The following ALG14 variants were observed in gnomAD, a reference collection of about 807,000 sequenced individuals.
The protein encoded by ALG14 is ALG14 UDP-N-acetylglucosaminyltransferase subunit.
In ALG14, 17 loss-of-function variants were observed where a neutral mutation model predicts 22.8. The observed-to-expected ratio is 0.75, with a 90% CI of 0.51 to 1.12. The LOEUF (loss-of-function observed/expected upper bound fraction) is 1.12. ALG14 is among the 50% of genes most tolerant of loss of function. The probability of loss-of-function intolerance (pLI) is 0.00; values close to 1 mark genes in which losing one functional copy is unlikely to be tolerated. For missense variants in ALG14, 288 were observed against 271.8 expected (o/e 1.06, Z -0.42); for synonymous variants, 89 against 103.7 (o/e 0.86, Z 0.86).
At chr1:94,990,307 A>C (rs1474283451) in intron 3 of ALG14, among the ~76,000 whole-genome samples, 1 of 152,238 alleles carries the variant, frequency 6.6e-6, no homozygotes, top group East Asian at 1.9e-4. Context: ...AAGGATGTGC[A>C]GCAGATGGGG....
At chr1:95,062,168 A>G (rs913600630) in intron 2 of ALG14, 1 of 152,250 alleles carries the variant, frequency 6.6e-6, no homozygotes, top group East Asian at 1.9e-4. Context: ...CAATAAGCAC[A>G]TGAACAGGAT....
chr1:95,011,385 G>C (rs1307783642), intron 3 of ALG14, among the ~76,000 whole-genome samples: 1 of 151,868 alleles, frequency 6.6e-6, no homozygotes, highest in Non-Finnish European at 1.5e-5. Flanking sequence ...CCTTAACTGT[G>C]GACTTCCCAG....
chr1:95,020,514 A>G (rs903051504), intron 3 of ALG14, among the ~76,000 whole-genome samples: 23 of 151,586 alleles, frequency 1.5e-4, no homozygotes, highest in African/African-American at 5.1e-4. Context: ...CGAGGCGGGC[A>G]GATCGCCTGA....
Position 94,977,444 on chromosome 1 carries a change from C to T in ALG14, c.*5632G>A, listed in dbSNP as rs1316599906. 1 of 152,174 alleles carries T rather than the reference C, an allele frequency of 6.6e-6. No individual in the cohort carries two copies. The highest frequency in any genetic ancestry group is 1.5e-5 in the Non-Finnish European group (1 of 68,042). The allele number at this position is 152,174 out of a possible 1,614,324, so 9.4% of individuals were successfully genotyped here. A position where few individuals can be genotyped will look rare whatever the true frequency, so the allele number is the denominator to read the frequency against. On this transcript the variant is annotated 3_prime_UTR_variant, in exon 4 of 4. Coordinates refer to ENST00000370205, the MANE Select transcript of ALG14 (RefSeq NM_144988.4). ...GGGTTTATGAGGTCAAAACTATTTT[C>T]ATAGTAATATTAAGATGTTATTTGC...
chr1:95,010,595 T>C (rs1673335045), intron 3 of ALG14, among the ~76,000 whole-genome samples: 1 of 152,186 alleles, frequency 6.6e-6, no homozygotes, highest in African/African-American at 2.4e-5. Context: ...TTGGCTTAAA[T>C]GGCAAAAGAG....
chr1:95,010,923 G>A (rs921053647), intron 3 of ALG14, among the ~76,000 whole-genome samples: 1 of 152,094 alleles, frequency 6.6e-6, no homozygotes, highest in African/African-American at 2.4e-5. Context: ...GAGCATAGCA[G>A]AAATAAGAAC....
chr1:95,046,073 G>A (rs1182700498), intron 2 of ALG14, among the ~76,000 whole-genome samples: 1 of 151,438 alleles, frequency 6.6e-6, no homozygotes, highest in African/African-American at 2.4e-5. Flanking sequence ...GCTGGCTTGA[G>A]TAAATTATTG....
intron 3 of ALG14, among the ~76,000 whole-genome samples, chr1:95,021,281 G>A (rs1673653825): frequency 6.6e-6 from 1 of 152,010 alleles, no homozygotes; most frequent in South Asian, 2.1e-4. Flanking sequence ...CATGCCCCAC[G>A]CTCTAGAATA....
chr1:95,018,426 C>T (rs1388180463), intron 3 of ALG14, among the ~76,000 whole-genome samples: 1 of 151,948 alleles, frequency 6.6e-6, no homozygotes, highest in African/African-American at 2.4e-5. Context: ...ATCCCTGCTA[C>T]TCGGGAGGTT....
At chr1:95,018,554 CAAAAG>C (rs889942386) in intron 3 of ALG14, among the ~76,000 whole-genome samples, 1 of 150,976 alleles carries the variant, frequency 6.6e-6, no homozygotes, top group Non-Finnish European at 1.5e-5. Context: ...GAAAAAAAGA[CAAAAG>C]AAAAAAGAAA....
intron 3 of ALG14, among the ~76,000 whole-genome samples, chr1:95,023,099 C>T (rs1673710405): frequency 1.3e-5 from 2 of 152,164 alleles, no homozygotes; most frequent in African/African-American, 2.4e-5. Context: ...TCACAGTATC[C>T]TACTTATAGA....
intron 3 of ALG14, among the ~76,000 whole-genome samples, chr1:95,024,683 G>A (rs1443416158): frequency 1.3e-5 from 2 of 152,166 alleles, no homozygotes; most frequent in Non-Finnish European, 2.9e-5. Flanking sequence ...CAGGGGTAGA[G>A]CTGTGTTTAC....
intron 2 of ALG14, among the ~76,000 whole-genome samples, chr1:95,042,279 T>A (rs1170943459): frequency 2.7e-5 from 4 of 150,408 alleles, no homozygotes; most frequent in African/African-American, 9.9e-5. Context: ...GCACTCATTG[T>A]CCTTTGCTTA....
Position 95,065,015 on chromosome 1 carries a change from C to T in ALG14, c.139G>A (p.Gly47Arg), listed in dbSNP as rs1209258245. 6.2e-7 allele frequency: 1 copy of T among 1,609,026 alleles called. No homozygotes were observed. Among genetic ancestry groups the T allele is most frequent in the African/African-American group, 1.3e-5 (1 of 74,550 alleles). Residue 47 changes from glycine to arginine, a missense_variant and splice_region_variant, in exon 2 of 4, where the codon GGG (glycine) becomes AGG (arginine). By Grantham distance (125) the Gly-to-Arg change is moderately radical. Transcript: ENST00000370205. ...LSILVVAGSG[G>R]HTTEILRLLG... Reference sequence around the variant, plus strand: ...AGCCTCAGGATCTCAGTGGTATGCCCACCTGGAAAAAATATCAGAAGTCCT... The same window carrying T: ...AGCCTCAGGATCTCAGTGGTATGCCTACCTGGAAAAAATATCAGAAGTCCT...
intron 3 of ALG14, among the ~76,000 whole-genome samples, chr1:95,013,477 G>A (rs919448943): frequency 6.6e-6 from 1 of 151,728 alleles, no homozygotes; most frequent in African/African-American, 2.4e-5. Context: ...CAACCACCAC[G>A]CCCAGCTAAT....
chr1:95,066,091 A>G (rs1425399138), intron 1 of ALG14, among the ~76,000 whole-genome samples: 1 of 152,136 alleles, frequency 6.6e-6, no homozygotes, highest in Non-Finnish European at 1.5e-5. Context: ...GCCTCTGGTC[A>G]TGCTGCTCCC....
intron 2 of ALG14, among the ~76,000 whole-genome samples, chr1:95,031,433 C>T (rs113298902): frequency 2.6e-5 from 4 of 152,220 alleles, no homozygotes; most frequent in African/African-American, 7.2e-5. Flanking sequence ...TCTGGTGCCA[C>T]TCTCTGGCTT....
In ALG14 at chr1:94,996,861, T is replaced by C. The variant is rs181693512; in HGVS notation, c.421-13555A>G. 3.3e-3 allele frequency among the ~76,000 whole-genome samples: 496 copies of C among 152,164 alleles called. 1 individual carries two copies. The highest frequency in any genetic ancestry group is 0.011 in the African/African-American group (477 of 41,522). ...CATGCCCAGCTCATTTTTGTATTTT[T>C]AGTAGAGACAGGGTTTCACCGTTGT... On this transcript the variant is annotated intron_variant, in intron 3 of 3. Transcript: ENST00000370205.
chr1:95,068,434 C>T (rs1049215093), intron 1 of ALG14, among the ~76,000 whole-genome samples: 1 of 152,068 alleles, frequency 6.6e-6, no homozygotes, highest in Non-Finnish European at 1.5e-5. Flanking sequence ...TTACAGGCAC[C>T]TGCGACCATG....
Sources: allele counts gnomAD v4.1 joint callset (sites outside exome capture counted in the v4.1 genomes callset), GRCh38; gene constraint gnomAD v4.1.1; transcripts MANE v1.5; gene names NCBI Gene and HGNC (gene_info 2026-07-23, HGNC 2026-07-21).